Variants in CDH13 observed in about 807,000 individuals in gnomAD.
CDH13 encodes cadherin 13.
CDH13 carries 24 observed loss-of-function variants against 63.8 expected under a neutral mutation model. That is an observed-to-expected ratio of 0.38 (90% CI 0.27 to 0.53). CDH13 has a LOEUF of 0.53. Among genes scored for constraint, CDH13 ranks in the 20% least tolerant of loss-of-function variants. CDH13 has a pLI of 0.85. For missense variants in CDH13, 1,049 were observed against 903.1 expected, an observed-to-expected ratio of 1.16 and a Z score of -2.07; for synonymous variants, 503 against 355.3, an observed-to-expected ratio of 1.42 and a Z score of -4.67.
chr16:82,665,288 C>G (rs775452280), intron 1 of CDH13, among the ~76,000 whole-genome samples: 19 of 152,116 alleles, frequency 1.2e-4, no homozygotes, highest in Middle Eastern at 3.2e-3. Flanking sequence ...ATGTGTCTGA[C>G]TGAGAAAATG....
intron 3 of CDH13, among the ~76,000 whole-genome samples, chr16:83,082,928 A>G (rs564109302): frequency 2.6e-4 from 39 of 152,344 alleles, no homozygotes; most frequent in African/African-American, 8.9e-4. Context: ...ATTTATGTCT[A>G]TTCCCAGACA....
intron 2 of CDH13, among the ~76,000 whole-genome samples, chr16:83,030,340 G>T (rs1916187988): frequency 6.6e-6 from 1 of 152,044 alleles, no homozygotes; most frequent in Admixed American, 6.6e-5. Flanking sequence ...TATAATCATT[G>T]TATTGGGTCC....
chr16:83,598,665 A>G (rs976924447), intron 7 of CDH13, among the ~76,000 whole-genome samples: 1 of 152,162 alleles, frequency 6.6e-6, no homozygotes, highest in East Asian at 1.9e-4. Flanking sequence ...GTATTAGCTC[A>G]TAGAATTCAC....
intron 1 of CDH13, among the ~76,000 whole-genome samples, chr16:82,836,305 C>T (rs1385659864): frequency 6.6e-6 from 1 of 151,980 alleles, no homozygotes; most frequent in Non-Finnish European, 1.5e-5. Context: ...CCCACCACCA[C>T]GCCCAGTTAT....
chr16:83,407,535 G>C (rs76883677), intron 6 of CDH13, among the ~76,000 whole-genome samples: 17,275 of 152,142 alleles, frequency 0.11, 1,266 homozygotes, highest in Middle Eastern at 0.18. Context: ...CTAATCACTG[G>C]TTCTAATACA....
chr16:83,250,445 A>G (rs1905385464), intron 5 of CDH13, among the ~76,000 whole-genome samples: 1 of 152,166 alleles, frequency 6.6e-6, no homozygotes, highest in Non-Finnish European at 1.5e-5. Context: ...GGGCGTGATG[A>G]GCCCTAGGGA....
intron 1 of CDH13, among the ~76,000 whole-genome samples, chr16:82,791,040 A>T (rs1300300754): frequency 6.6e-6 from 1 of 152,190 alleles, no homozygotes; most frequent in African/African-American, 2.4e-5. Context: ...GATCGAGACC[A>T]TCCTGGCTAA....
intron 7 of CDH13, among the ~76,000 whole-genome samples, chr16:83,504,823 G>C (rs2074360378): frequency 6.6e-6 from 1 of 152,108 alleles, no homozygotes; most frequent in Non-Finnish European, 1.5e-5. Flanking sequence ...GTTTATAGTT[G>C]TGTTTTTTAA....
At chr16:83,778,859 T>C (rs1018880770) in intron 11 of CDH13, among the ~76,000 whole-genome samples, 7 of 152,168 alleles carry the variant, frequency 4.6e-5, no homozygotes, top group African/African-American at 1.7e-4. Flanking sequence ...TTTCCCTCTT[T>C]AGTCAACTCC....
chr16:82,766,669 A>C (rs1237653060), intron 1 of CDH13, among the ~76,000 whole-genome samples: 2 of 152,194 alleles, frequency 1.3e-5, no homozygotes, highest in Non-Finnish European at 2.9e-5. Flanking sequence ...TTATGTCTTT[A>C]CCATATATCA....
intron 6 of CDH13, among the ~76,000 whole-genome samples, chr16:83,406,420 C>CCCA (rs2092046709): frequency 6.7e-6 from 1 of 149,140 alleles, no homozygotes; most frequent in Non-Finnish European, 1.5e-5. Context: ...CTTTCTTTCC[C>CCCA]CCCCCGCCTC....
chr16:83,026,326 G>A (rs566278270), intron 2 of CDH13, among the ~76,000 whole-genome samples: 4 of 152,300 alleles, frequency 2.6e-5, no homozygotes, highest in East Asian at 3.9e-4. Flanking sequence ...ATCAGAGAAG[G>A]TTCTCGCTCT....
intron 11 of CDH13, among the ~76,000 whole-genome samples, chr16:83,769,920 C>T (rs1443279961): frequency 6.6e-6 from 1 of 152,074 alleles, no homozygotes; most frequent in East Asian, 1.9e-4. Flanking sequence ...ATTAAACCAC[C>T]TCAGAAAAAT....
At chr16:83,248,698 A>T (rs959186009) in intron 5 of CDH13, among the ~76,000 whole-genome samples, 5 of 151,984 alleles carry the variant, frequency 3.3e-5, no homozygotes, top group African/African-American at 1.2e-4. Context: ...TTCTAATCTT[A>T]ACTGAGCCTT....
chr16:83,372,926 C>A (rs2091398799), intron 6 of CDH13, among the ~76,000 whole-genome samples: 1 of 151,968 alleles, frequency 6.6e-6, no homozygotes, highest in African/African-American at 2.4e-5. Context: ...CTAGGGAAGC[C>A]AGCAATGGAC....
chr16:83,680,719 C>G (rs889287587), intron 10 of CDH13, among the ~76,000 whole-genome samples: 1 of 152,054 alleles, frequency 6.6e-6, no homozygotes, highest in Non-Finnish European at 1.5e-5. Context: ...GTTTCTCTAG[C>G]CAGTGTAATC....
At position 83,718,112 on chromosome 16, in the gene CDH13, T is replaced by C. The variant is rs143595094; in HGVS notation, c.1539-29996T>C. On this transcript the variant is annotated intron_variant, in intron 10 of 13. Coordinates refer to ENST00000567109, the MANE Select transcript of CDH13 (RefSeq NM_001257.5). ...AAGGGTTAGGGTGAAAATAGTTTAG[T>C]TGGCAGAAAATCCCATAAAATACCA... Among the ~76,000 whole-genome samples, 358 of 152,324 alleles carry C rather than the reference T, an allele frequency of 2.4e-3. 1 individual carries two copies. The highest frequency in any genetic ancestry group is 8.1e-3 in the African/African-American group (336 of 41,576).
intron 10 of CDH13, among the ~76,000 whole-genome samples, chr16:83,685,588 G>C (rs1904299825): frequency 6.6e-6 from 1 of 152,168 alleles, no homozygotes; most frequent in Non-Finnish European, 1.5e-5. Context: ...CTCCCAGGGA[G>C]CTTATCGTCA....
intron 2 of CDH13, among the ~76,000 whole-genome samples, chr16:82,944,949 A>G (rs1597265012): frequency 1.3e-5 from 2 of 152,214 alleles, no homozygotes; most frequent in African/African-American, 2.4e-5. Flanking sequence ...GGAAATACAA[A>G]TTAAAGTAGG....
Sources: gnomAD v4.1 joint callset for allele counts (sites outside exome capture counted in the v4.1 genomes callset) on GRCh38, gnomAD v4.1.1 for gene constraint, MANE v1.5 for transcripts, NCBI Gene and HGNC (gene_info 2026-07-23, HGNC 2026-07-21) for gene names.